SGMS2: variants seen among roughly 807,000 people sequenced by gnomAD.
SGMS2 encodes sphingomyelin synthase 2, also known as phosphatidylcholine:ceramide cholinephosphotransferase 2.
A neutral mutation model predicts 43.8 loss-of-function variants in SGMS2; 21 were observed. The ratio of observed to expected loss-of-function variants is 0.48; its 90% CI spans 0.34 to 0.69. The LOEUF is 0.69. Among genes scored for constraint, SGMS2 ranks in the 30% least tolerant of loss-of-function variants. The pLI, the probability that SGMS2 is intolerant of heterozygous loss-of-function variation, is 0.01. For synonymous variants in SGMS2, 167 were observed against 160.6 expected (o/e 1.04, Z -0.30); for missense variants, 384 against 443.2 (o/e 0.87, Z 1.20).
chr4:107,897,664 A>C (rs1428691123), intron 3 of SGMS2, among the ~76,000 whole-genome samples: 1 of 152,200 alleles, frequency 6.6e-6, no homozygotes, highest in African/African-American at 2.4e-5. Flanking sequence ...TAGATTTTCA[A>C]CATGTCCAAA....
chr4:107,887,106 A>T (rs959002780), intron 2 of SGMS2, among the ~76,000 whole-genome samples: 4 of 152,238 alleles, frequency 2.6e-5, no homozygotes, highest in African/African-American at 9.6e-5. Flanking sequence ...AGTTTAGTCC[A>T]TGCAGTTAAT....
intron 2 of SGMS2, among the ~76,000 whole-genome samples, chr4:107,878,743 G>T (rs1038389112): frequency 2.0e-5 from 3 of 152,040 alleles, no homozygotes; most frequent in African/African-American, 7.2e-5. Flanking sequence ...CAATCCCAGG[G>T]CTGCAATTTC....
At chr4:107,872,060 C>T (rs1728592248) in intron 2 of SGMS2, among the ~76,000 whole-genome samples, 1 of 152,056 alleles carries the variant, frequency 6.6e-6, no homozygotes, top group South Asian at 2.1e-4. Flanking sequence ...AGGCAAAAAT[C>T]CATAATTGAG....
Position 107,840,358 on chromosome 4 carries a change from G to C in SGMS2, c.-327+15105G>C, listed in dbSNP as rs147374874. ...GGCGAGGGCTGTTTTTGGGTGGTCA[G>C]TGTTGTACAAATATTAGCTGTTGTG... On this transcript the variant is annotated intron_variant, in intron 1 of 6. Transcript: ENST00000690982. Among the ~76,000 whole-genome samples the C allele has an allele frequency of 2.5e-3, 374 of 152,316 alleles. 3 individuals carry two copies. Among genetic ancestry groups the C allele is most frequent in the African/African-American group, 8.5e-3 (353 of 41,570 alleles).
intron 2 of SGMS2, among the ~76,000 whole-genome samples, chr4:107,884,797 C>G (rs1729619969): frequency 6.6e-6 from 1 of 152,126 alleles, no homozygotes. Flanking sequence ...TGTCTCATGT[C>G]CCCCTAAAAT....
intron 1 of SGMS2, among the ~76,000 whole-genome samples, chr4:107,832,602 G>T (rs952039996): frequency 4.6e-5 from 7 of 152,176 alleles, no homozygotes; most frequent in Middle Eastern, 3.4e-3. Context: ...TCACAGTTTG[G>T]GCCCTATTTG....
At chr4:107,825,443 C>T (rs1725528257) in intron 1 of SGMS2, among the ~76,000 whole-genome samples, 190 bp downstream of exon 1, 1 of 151,344 alleles carries the variant, frequency 6.6e-6, no homozygotes, top group South Asian at 2.1e-4. Flanking sequence ...TCTCCTTCCT[C>T]TGAGCAGTCA....
At chr4:107,899,282 C>T (rs1488319002) in intron 3 of SGMS2, among the ~76,000 whole-genome samples, 6 of 152,068 alleles carry the variant, frequency 3.9e-5, no homozygotes, top group South Asian at 2.1e-4. Flanking sequence ...GTAGACTCTT[C>T]GTCTACTTTA....
At position 107,912,344 on chromosome 4, in the gene SGMS2, A is replaced by G. The variant is rs1732175938; in HGVS notation, c.*1791A>G. ...CTTGGCAGGCTTTGAAGCACACAGAATTTTCTAGTATTTCTTATTAAATAC... is the reference window on the plus strand; with the variant it reads ...CTTGGCAGGCTTTGAAGCACACAGAGTTTTCTAGTATTTCTTATTAAATAC... On this transcript the variant is annotated 3_prime_UTR_variant, in exon 7 of 7. Transcript: ENST00000690982. 1 of 152,172 alleles carries G rather than the reference A, an allele frequency of 6.6e-6. No homozygotes were observed. Among genetic ancestry groups the G allele is most frequent in the Non-Finnish European group, 1.5e-5 (1 of 68,022 alleles). 9.4% of individuals were successfully genotyped at this position (152,172 alleles called of 1,614,324 possible).
rs148365226 is a variant in SGMS2, at chr4:107,838,927, T to C, written c.-327+13674T>C. ...TCTGTAGCCACTGCCTTGCCTGGACTGAGGATATCTTTGCCCAGAATTACA... is the reference window on the plus strand; with the variant it reads ...TCTGTAGCCACTGCCTTGCCTGGACCGAGGATATCTTTGCCCAGAATTACA... On this transcript the variant is annotated intron_variant, in intron 1 of 6. Transcript: ENST00000690982. Among the ~76,000 whole-genome samples the C allele has an allele frequency of 5.9e-3, 905 of 152,300 alleles. 7 individuals are homozygous for C. Among genetic ancestry groups the C allele is most frequent in the Non-Finnish European group, 7.0e-3 (476 of 68,008 alleles).
rs1292634841 is a variant in SGMS2 at position 107,890,631 on chromosome 4, C to T, written c.-244-4679C>T. Among the ~76,000 whole-genome samples, 4 of 144,756 alleles carry T rather than the reference C, an allele frequency of 2.8e-5. No individual in the cohort carries two copies. The East Asian group carries it at 6.1e-4, about 22-fold the overall frequency. The allele number at this position is 144,756 out of a possible 152,430, so 95.0% of individuals were successfully genotyped here. A position where few individuals can be genotyped will look rare whatever the true frequency, so the allele number is the denominator to read the frequency against. On this transcript the variant is annotated intron_variant, in intron 2 of 6. Coordinates refer to ENST00000690982, the MANE Select transcript of SGMS2 (RefSeq NM_001375905.1). The stretch of plus-strand genomic sequence containing the variant: ...TGGAGGTTGCAGTGAGCCAAGATCA[C>T]ACGACTGCACTCCAGCCTGGACAAC...
intron 2 of SGMS2, among the ~76,000 whole-genome samples, chr4:107,881,137 T>G (rs763078785): frequency 1.1e-4 from 17 of 152,108 alleles, no homozygotes; most frequent in African/African-American, 1.9e-4. Flanking sequence ...TATATTGATT[T>G]TTACAAAATT....
At chr4:107,896,138 A>G (rs1730653256) in intron 3 of SGMS2, 130 bp downstream of exon 3, 2 of 828,116 alleles carry the variant, frequency 2.4e-6, no homozygotes, top group Non-Finnish European at 1.8e-6. Flanking sequence ...ATGAAAGAAA[A>G]CAGTAGAAAG....
At chr4:107,862,490 C>T (rs771727945) in intron 2 of SGMS2, among the ~76,000 whole-genome samples, 2 of 152,154 alleles carry the variant, frequency 1.3e-5, no homozygotes, top group African/African-American at 4.8e-5. Context: ...TACTGTATAA[C>T]TCTTTTCCCT....
chr4:107,865,537 T>C (rs1728052037), intron 2 of SGMS2, among the ~76,000 whole-genome samples: 1 of 152,250 alleles, frequency 6.6e-6, no homozygotes, highest in African/African-American at 2.4e-5. Context: ...ATTTTGAATC[T>C]GCATCTGTAT....
At chr4:107,842,357 A>AG (rs1459325832) in intron 1 of SGMS2, among the ~76,000 whole-genome samples, 1 of 152,192 alleles carries the variant, frequency 6.6e-6, no homozygotes, top group Non-Finnish European at 1.5e-5. Flanking sequence ...TCACATGGCT[A>AG]GAGCGGGAGC....
intron 1 of SGMS2, among the ~76,000 whole-genome samples, chr4:107,835,405 T>C (rs1468177633): frequency 1.3e-5 from 2 of 152,206 alleles, no homozygotes; most frequent in Non-Finnish European, 2.9e-5. Context: ...GAGAAAAATA[T>C]CTATACATAT....
chr4:107,878,291 C>T (rs1560654646), intron 2 of SGMS2, among the ~76,000 whole-genome samples: 1 of 152,108 alleles, frequency 6.6e-6, no homozygotes, highest in Non-Finnish European at 1.5e-5. Flanking sequence ...TCCCGTCTTC[C>T]CTACCCTACA....
At chr4:107,867,491 AG>A (rs908709486) in intron 2 of SGMS2, 2 of 152,182 alleles carry the variant, frequency 1.3e-5, no homozygotes, top group African/African-American at 4.8e-5. Context: ...CTTTGCTGTA[AG>A]AATTCACCCT....
Sources: gnomAD v4.1 joint callset for allele counts (sites outside exome capture counted in the v4.1 genomes callset) on GRCh38, gnomAD v4.1.1 for gene constraint, MANE v1.5 for transcripts, NCBI Gene and HGNC (gene_info 2026-07-23, HGNC 2026-07-21) for gene names.